The following CNTLN variants were observed in gnomAD, a reference collection of about 807,000 sequenced individuals.
CNTLN encodes the protein centlein, also known as centlein, centrosomal protein.
CNTLN carries 212 observed loss-of-function variants against 180.0 expected under a neutral mutation model. The observed-to-expected ratio is 1.18, with a 90% CI of 1.05 to 1.32. The LOEUF (loss-of-function observed/expected upper bound fraction) is 1.32, where lower values mean the gene tolerates loss of function less well. CNTLN is among the 40% of genes most tolerant of loss of function. The probability of loss-of-function intolerance (pLI) is 0.00; values close to 1 mark genes in which losing one functional copy is unlikely to be tolerated. For synonymous variants in CNTLN, 722 were observed against 563.1 expected (o/e 1.28, Z -3.99); for missense variants, 2,095 against 1,610.9 (o/e 1.30, Z -5.14).
chr9:17,461,774 C>T (rs1867076), intron 19 of CNTLN, among the ~76,000 whole-genome samples: 146,504 of 151,534 alleles, frequency 0.97, 70,967 homozygotes, highest in Non-Finnish European at 1. Context: ...CATTTAATAC[C>T]TTTAAAACTT....
chr9:17,261,972 G>GA (rs1416557127), intron 5 of CNTLN, among the ~76,000 whole-genome samples: 2 of 151,292 alleles, frequency 1.3e-5, no homozygotes, highest in Non-Finnish European at 2.9e-5. Flanking sequence ...ACAAACATAG[G>GA]AAAAAAGCTT....
intron 3 of CNTLN, among the ~76,000 whole-genome samples, chr9:17,231,836 C>T (rs72700166): frequency 6.9e-6 from 1 of 145,454 alleles, no homozygotes; most frequent in Non-Finnish European, 1.5e-5. Flanking sequence ...CATTTTTATG[C>T]CTGCTTCATA....
intron 18 of CNTLN, among the ~76,000 whole-genome samples, chr9:17,420,193 C>G (rs1828605133): frequency 6.6e-6 from 1 of 152,094 alleles, no homozygotes; most frequent in Non-Finnish European, 1.5e-5. Context: ...GCCATTGGGT[C>G]CTGGGCTTTT....
At chr9:17,419,018 T>C (rs1431087610) in intron 18 of CNTLN, among the ~76,000 whole-genome samples, 3 of 152,128 alleles carry the variant, frequency 2.0e-5, no homozygotes, top group Admixed American at 2.0e-4. Flanking sequence ...TTGAACTGTA[T>C]AGGCCAAACT....
chr9:17,342,490 A>C, intron 12 of CNTLN, 46 bp downstream of exon 12: 1 of 1,526,560 alleles, frequency 6.6e-7, no homozygotes, highest in Non-Finnish European at 8.8e-7. Context: ...AATACTTGGG[A>C]GAAATTTTTT....
At chr9:17,371,021 A>G (rs13289968) in intron 13 of CNTLN, among the ~76,000 whole-genome samples, 37,311 of 151,990 alleles carry the variant, frequency 0.25, 4,741 homozygotes, top group South Asian at 0.34. Context: ...GTAAGAGAAA[A>G]TTACCTTCAC....
intron 3 of CNTLN, among the ~76,000 whole-genome samples, chr9:17,232,484 T>TGTTAA (rs150672328): frequency 0.2 from 30,449 of 151,684 alleles, 3,733 homozygotes; most frequent in African/African-American, 0.34. Flanking sequence ...TGTCAGTGCC[T>TGTTAA]GTTTAGTTTA....
intron 6 of CNTLN, among the ~76,000 whole-genome samples, chr9:17,295,101 G>A (rs2132745618): frequency 6.6e-6 from 1 of 150,790 alleles, no homozygotes; most frequent in South Asian, 2.1e-4. Flanking sequence ...CTGCCGGGCT[G>A]GCGGGGCTGG....
chr9:17,328,626 C>G (rs141180024), intron 8 of CNTLN, among the ~76,000 whole-genome samples: 1 of 152,098 alleles, frequency 6.6e-6, no homozygotes, highest in Admixed American at 6.5e-5. Flanking sequence ...AGAGACAAAC[C>G]AGACTTAAAG....
chr9:17,321,426 C>T (rs764573772), intron 8 of CNTLN, among the ~76,000 whole-genome samples: 8 of 152,296 alleles, frequency 5.3e-5, no homozygotes, highest in Middle Eastern at 3.4e-3. Context: ...TTATCCTTTT[C>T]TCCCCACTGC....
the CNTLN span, among the ~76,000 whole-genome samples, chr9:17,519,786 A>G: frequency 6.6e-6 from 1 of 152,228 alleles, no homozygotes; most frequent in African/African-American, 2.4e-5. Flanking sequence ...GAGGATGAGA[A>G]GGTCAAACAG....
intron 18 of CNTLN, among the ~76,000 whole-genome samples, chr9:17,425,333 G>A (rs1829006130): frequency 6.6e-6 from 1 of 152,022 alleles, no homozygotes; most frequent in Admixed American, 6.6e-5. Context: ...ATAATAATAA[G>A]AGACACCCGA....
At chr9:17,186,229 G>A (rs555147575) in intron 2 of CNTLN, among the ~76,000 whole-genome samples, 3 of 152,094 alleles carry the variant, frequency 2.0e-5, no homozygotes, top group Non-Finnish European at 4.4e-5. Flanking sequence ...CTTGAAAAGG[G>A]TATTCATCTT....
chr9:17,189,050 C>A (rs564919880), intron 2 of CNTLN, among the ~76,000 whole-genome samples: 15 of 126,040 alleles, frequency 1.2e-4, no homozygotes, highest in African/African-American at 3.9e-4. Flanking sequence ...ACTTGTTAAT[C>A]AATTTGAGCT....
intron 23 of CNTLN, among the ~76,000 whole-genome samples, chr9:17,482,886 A>G (rs73416465): frequency 0.068 from 10,401 of 152,146 alleles, 1,228 homozygotes; most frequent in African/African-American, 0.24. Flanking sequence ...ATGATTACAA[A>G]TGGATAAAAA....
chr9:17,153,176 AT>A (rs1819016608), intron 2 of CNTLN, among the ~76,000 whole-genome samples: 1 of 152,168 alleles, frequency 6.6e-6, no homozygotes. Context: ...TAATATTTTT[AT>A]ATGTGAATTT....
intron 18 of CNTLN, among the ~76,000 whole-genome samples, chr9:17,421,690 TA>T (rs1455114024): frequency 6.6e-6 from 1 of 152,146 alleles, no homozygotes; most frequent in East Asian, 1.9e-4. Context: ...TTTCTGGTAG[TA>T]GTTTTTAATT....
chr9:17,258,156 A>G (rs1199192277), intron 5 of CNTLN, among the ~76,000 whole-genome samples: 2 of 146,330 alleles, frequency 1.4e-5, no homozygotes, highest in Non-Finnish European at 3.0e-5. Flanking sequence ...ATTTTTGTAT[A>G]AGGTGTAAGG....
chr9:17,438,947 G>A (rs762018408), intron 18 of CNTLN, among the ~76,000 whole-genome samples: 1 of 152,106 alleles, frequency 6.6e-6, no homozygotes, highest in Non-Finnish European at 1.5e-5. Flanking sequence ...AATCTTAGAA[G>A]CCAAATGGTT....
Sources: gnomAD v4.1 joint callset for allele counts (sites outside exome capture counted in the v4.1 genomes callset) on GRCh38, gnomAD v4.1.1 for gene constraint, MANE v1.5 for transcripts, NCBI Gene and HGNC (gene_info 2026-07-23, HGNC 2026-07-21) for gene names.